The following PLCE1 variants were observed in gnomAD, a reference collection of about 807,000 sequenced individuals.
The protein encoded by PLCE1 is 1-phosphatidylinositol 4,5-bisphosphate phosphodiesterase epsilon-1.
PLCE1 carries 119 observed loss-of-function variants against 242.8 expected under a neutral mutation model. The ratio of observed to expected loss-of-function variants is 0.49; its 90% CI spans 0.42 to 0.57. PLCE1 has a LOEUF of 0.57. PLCE1 is among the 20% of genes least tolerant of loss of function. The pLI, the probability that PLCE1 is intolerant of heterozygous loss-of-function variation, is 0.00. For missense variants in PLCE1, 2,441 were observed against 2,788.8 expected, an observed-to-expected ratio of 0.88 and a Z score of 2.81; for synonymous variants, 945 against 1,017.4, an observed-to-expected ratio of 0.93 and a Z score of 1.35.
At chr10:94,176,399 C>CA (rs1298586139) in intron 4 of PLCE1, among the ~76,000 whole-genome samples, 3 of 152,228 alleles carry the variant, frequency 2.0e-5, no homozygotes, top group South Asian at 2.1e-4. Flanking sequence ...GTCCCTGTCT[C>CA]AAAAAACAGA....
chr10:94,039,666 G>A (rs151302932), intron 2 of PLCE1, among the ~76,000 whole-genome samples: 4 of 152,292 alleles, frequency 2.6e-5, no homozygotes, highest in Non-Finnish European at 5.9e-5. Flanking sequence ...GATTACAGGC[G>A]TGAGCCACCA....
At chr10:94,014,582 T>C (rs1399895688) in intron 1 of PLCE1, among the ~76,000 whole-genome samples, 1 of 152,204 alleles carries the variant, frequency 6.6e-6, no homozygotes, top group Non-Finnish European at 1.5e-5. Context: ...ATTGTTACCA[T>C]TGCCTCTCTC....
chr10:94,266,906 C>G (rs1276202291), intron 16 of PLCE1, among the ~76,000 whole-genome samples: 1 of 152,166 alleles, frequency 6.6e-6, no homozygotes, highest in East Asian at 1.9e-4. Context: ...GTTCTTAGAG[C>G]AGTGATTTTC....
At chr10:94,040,660 C>T (rs576602862) in intron 2 of PLCE1, among the ~76,000 whole-genome samples, 1 of 152,184 alleles carries the variant, frequency 6.6e-6, no homozygotes, top group South Asian at 2.1e-4. Flanking sequence ...CTCCCTTGTC[C>T]CACTCTAGTC....
chr10:94,272,952 G>C (rs1351200270), intron 18 of PLCE1, among the ~76,000 whole-genome samples: 1 of 151,962 alleles, frequency 6.6e-6, no homozygotes, highest in African/African-American at 2.4e-5. Context: ...TGTAATCCTA[G>C]CACTTTGGGA....
intron 1 of PLCE1, among the ~76,000 whole-genome samples, chr10:94,029,182 T>C (rs1261490529): frequency 2.6e-5 from 4 of 152,090 alleles, no homozygotes; most frequent in Non-Finnish European, 5.9e-5. Flanking sequence ...TCACCAAAAA[T>C]GTTTTCCCCT....
intron 2 of PLCE1, among the ~76,000 whole-genome samples, chr10:94,115,216 G>A (rs139076179): frequency 0.011 from 1,653 of 152,106 alleles, 31 homozygotes; most frequent in African/African-American, 0.038. Context: ...TGAATAGTGC[G>A]GCAATAAACA....
intron 32 of PLCE1, 80 bp downstream of exon 32, chr10:94,325,184 C>A (rs1589550646): frequency 2.0e-6 from 2 of 1,014,478 alleles, no homozygotes; most frequent in Non-Finnish European, 3.1e-6. Context: ...AGTACAATGT[C>A]TTTTATCTTT....
chr10:94,141,555 AGGTGAAGGGAAG>A (rs2046959409), intron 3 of PLCE1, among the ~76,000 whole-genome samples: 1 of 141,988 alleles, frequency 7.0e-6, no homozygotes, highest in Non-Finnish European at 1.5e-5. Context: ...GGCTAAGGGA[AGGTGAAGGGAAG>A]GCTAAGGGAA....
At chr10:94,240,864 T>C (rs2050482629) in intron 7 of PLCE1, among the ~76,000 whole-genome samples, 1 of 152,216 alleles carries the variant, frequency 6.6e-6, no homozygotes, top group African/African-American at 2.4e-5. Context: ...AGATAGTTTC[T>C]TTGCTGGTAA....
chr10:94,237,438 T>C (rs2050362346), intron 7 of PLCE1, among the ~76,000 whole-genome samples: 1 of 152,222 alleles, frequency 6.6e-6, no homozygotes, highest in Admixed American at 6.5e-5. Flanking sequence ...TCACCCGTTA[T>C]GAAATTTTTG....
chr10:94,225,533 G>A (rs547187883), intron 4 of PLCE1, among the ~76,000 whole-genome samples: 8 of 152,220 alleles, frequency 5.3e-5, no homozygotes, highest in Non-Finnish European at 7.4e-5. Context: ...TTAGCCGGGC[G>A]AGGTGGCAGG....
At chr10:94,322,183 G>A (rs187993385) in intron 30 of PLCE1, 124 bp downstream of exon 30, 10 of 902,252 alleles carry the variant, frequency 1.1e-5, no homozygotes, top group African/African-American at 1.6e-5. Flanking sequence ...TCAAAGGGGA[G>A]TGTGTGCCTC....
chr10:94,280,297 C>A (rs1371499575), intron 20 of PLCE1: 4 of 294,014 alleles, frequency 1.4e-5, no homozygotes, highest in Non-Finnish European at 2.6e-5. Context: ...CATCACGGCT[C>A]TGTGCTCTCT....
At chr10:94,196,298 G>A (rs2689688) in intron 4 of PLCE1, among the ~76,000 whole-genome samples, 148,773 of 152,242 alleles carry the variant, frequency 0.98, 72,783 homozygotes, top group East Asian at 1. Flanking sequence ...TCTATCCTAT[G>A]TATTATAGCA....
chr10:94,105,721 A>G (rs890865035), intron 2 of PLCE1: 3 of 152,160 alleles, frequency 2.0e-5, no homozygotes, highest in Admixed American at 1.3e-4. Flanking sequence ...CTACTAAAGA[A>G]ATTAATCTCC....
chr10:94,029,915 A>G lies in PLCE1; in HGVS notation c.-364-768A>G, dbSNP rs1432784454. Among the ~76,000 whole-genome samples the G allele has an allele frequency of 9.8e-5, 15 of 152,300 alleles. No individual in the cohort carries two copies. In the South Asian group the frequency reaches 3.1e-3, roughly 32 times the overall value. The stretch of plus-strand genomic sequence containing the variant: ...ACCTTCTAGTCCTATAGTGCCTTGT[A>G]TATCCTTTATAATTGTGTTTCCACA... On this transcript the variant is annotated intron_variant, in intron 1 of 32. Transcript: ENST00000371380.
chr10:94,006,878 G>A (rs2061049898), intron 1 of PLCE1, among the ~76,000 whole-genome samples: 1 of 152,202 alleles, frequency 6.6e-6, no homozygotes, highest in Non-Finnish European at 1.5e-5. Context: ...TAGTTAGTGG[G>A]TCAAAGCAGT....
chr10:94,041,663 T>C (rs1006931319), intron 2 of PLCE1, among the ~76,000 whole-genome samples: 1 of 152,178 alleles, frequency 6.6e-6, no homozygotes, highest in Non-Finnish European at 1.5e-5. Flanking sequence ...CCCCAGTGCT[T>C]CCTAGACAGA....
Sources: gnomAD v4.1 joint callset for allele counts (sites outside exome capture counted in the v4.1 genomes callset) on GRCh38, gnomAD v4.1.1 for gene constraint, MANE v1.5 for transcripts, NCBI Gene and HGNC (gene_info 2026-07-23, HGNC 2026-07-21) for gene names.